LINGO2: variants seen among roughly 807,000 people sequenced by gnomAD.
The protein encoded by LINGO2 is leucine rich repeat and Ig domain containing 2.
In LINGO2, 14 loss-of-function variants were observed where a neutral mutation model predicts 30.6. That is an observed-to-expected ratio of 0.46 (90% CI 0.30 to 0.72). The LOEUF (loss-of-function observed/expected upper bound fraction) is 0.72, where lower values mean the gene tolerates loss of function less well. Ranked by LOEUF, LINGO2 falls within the 30% of genes least tolerant of loss-of-function variation. The probability of loss-of-function intolerance (pLI) is 0.07; values close to 1 mark genes in which losing one functional copy is unlikely to be tolerated. For synonymous variants in LINGO2, 317 were observed against 288.5 expected, an observed-to-expected ratio of 1.10 and a Z score of -1.00; for missense variants, 729 against 751.7, an observed-to-expected ratio of 0.97 and a Z score of 0.35.
chr9:28,175,937 A>G (rs567422393), intron 4 of LINGO2, among the ~76,000 whole-genome samples: 3 of 152,312 alleles, frequency 2.0e-5, no homozygotes, highest in African/African-American at 7.2e-5. Flanking sequence ...AGGAGGCAAC[A>G]TGCCTTTGTT....
At chr9:28,556,803 A>G in intron 1 of LINGO2, among the ~76,000 whole-genome samples, 1 of 152,194 alleles carries the variant, frequency 6.6e-6, no homozygotes, top group Admixed American at 6.5e-5. Context: ...ACAGAGATAT[A>G]GATCAATGGA....
chr9:29,161,545 C>A, the LINGO2 span, among the ~76,000 whole-genome samples: 1 of 152,224 alleles, frequency 6.6e-6, no homozygotes, highest in Non-Finnish European at 1.5e-5. Context: ...GATTCTCAAA[C>A]ATTGGTGTAC....
At chr9:28,877,938 T>A in the LINGO2 span, among the ~76,000 whole-genome samples, 4 of 152,128 alleles carry the variant, frequency 2.6e-5, no homozygotes, top group Non-Finnish European at 5.9e-5. Flanking sequence ...TGAGCAGTGG[T>A]TTGTAGTTCT....
chr9:28,212,404 C>A (rs1165097403), intron 4 of LINGO2, among the ~76,000 whole-genome samples: 1 of 151,354 alleles, frequency 6.6e-6, no homozygotes, highest in Non-Finnish European at 1.5e-5. Flanking sequence ...TATTCTAAAG[C>A]CTAGACTCTC....
intron 4 of LINGO2, among the ~76,000 whole-genome samples, chr9:28,294,753 A>G (rs1360534492): frequency 2.0e-5 from 3 of 152,228 alleles, no homozygotes; most frequent in African/African-American, 7.2e-5. Flanking sequence ...AAGAAATAAA[A>G]GAAGAACAAT....
At chr9:28,762,495 C>T in the LINGO2 span, among the ~76,000 whole-genome samples, 30 of 151,834 alleles carry the variant, frequency 2.0e-4, no homozygotes, top group African/African-American at 7.3e-4. Flanking sequence ...GATAATAGTC[C>T]CTCCCCCAAA....
chr9:28,708,788 T>TCTATCTATCTATCTATCTATCTAA, the LINGO2 span, among the ~76,000 whole-genome samples: 1 of 151,892 alleles, frequency 6.6e-6, no homozygotes, highest in East Asian at 1.9e-4. Flanking sequence ...TATCTATCTA[T>TCTATCTATCTATCTATCTATCTAA]CCATCTATTA....
At chr9:29,000,639 C>T in the LINGO2 span, among the ~76,000 whole-genome samples, 13 of 151,964 alleles carry the variant, frequency 8.6e-5, no homozygotes, top group South Asian at 2.5e-3. Flanking sequence ...CTACTCCATA[C>T]GCAATACGAA....
Position 28,032,922 on chromosome 9 carries a change from T to C in LINGO2, c.-86-20517A>G, listed in dbSNP as rs180774045. Among the ~76,000 whole-genome samples, 5 of 152,312 alleles carry C rather than the reference T, an allele frequency of 3.3e-5. No homozygotes were observed. The East Asian group carries it at 9.6e-4, about 29-fold the overall frequency. On this transcript the variant is annotated intron_variant, in intron 4 of 5. Transcript: ENST00000379992. ...TGCCTTCTTTTGTCTGAGAAAGATT[T>C]GTGCCTGAAAGTTTTAGGAGACAGC...
In LINGO2 at chr9:28,233,800, C is replaced by G. The variant is rs566562148; in HGVS notation, c.-87+61408G>C. 3.9e-5 allele frequency among the ~76,000 whole-genome samples: 6 copies of G among 152,270 alleles called. No individual in the cohort carries two copies. In the East Asian group the frequency reaches 9.7e-4, roughly 25 times the overall value. On this transcript the variant is annotated intron_variant, in intron 4 of 5. Transcript: ENST00000379992. ...GAGTTGTGAGGCCCCATTCCAGGCC[C>G]TAGCTCCCAGGTGACATTTCTAGGC...
chr9:28,583,801 C>T (rs1424116103), intron 1 of LINGO2, among the ~76,000 whole-genome samples: 1 of 151,986 alleles, frequency 6.6e-6, no homozygotes, highest in East Asian at 1.9e-4. Flanking sequence ...AAACATCCCC[C>T]AAAGTTCATG....
chr9:28,492,825 A>G (rs918248660), intron 1 of LINGO2, among the ~76,000 whole-genome samples: 4 of 152,044 alleles, frequency 2.6e-5, no homozygotes, highest in East Asian at 3.9e-4. Context: ...AAGGACTCCT[A>G]AAAGAAAAAC....
chr9:29,119,238 A>G, the LINGO2 span, among the ~76,000 whole-genome samples: 3 of 152,316 alleles, frequency 2.0e-5, no homozygotes, highest in East Asian at 5.8e-4. Flanking sequence ...AAAGAAAACA[A>G]AAGAGTGAAG....
the LINGO2 span, among the ~76,000 whole-genome samples, chr9:28,777,157 T>C: frequency 6.6e-6 from 1 of 152,070 alleles, no homozygotes; most frequent in African/African-American, 2.4e-5. Flanking sequence ...GAACTGTGAG[T>C]CAATTAAACC....
chr9:28,097,802 T>A (rs906320086), intron 4 of LINGO2, among the ~76,000 whole-genome samples: 2 of 151,522 alleles, frequency 1.3e-5, no homozygotes, highest in African/African-American at 2.4e-5. Flanking sequence ...AACCTGCACA[T>A]TGTGCACATG....
At chr9:28,941,362 C>T in the LINGO2 span, among the ~76,000 whole-genome samples, 2 of 152,004 alleles carry the variant, frequency 1.3e-5, no homozygotes, top group Non-Finnish European at 2.9e-5. Context: ...ACAAACGATA[C>T]CCTATTCCTT....
chr9:28,590,080 G>A (rs1318543704), intron 1 of LINGO2, among the ~76,000 whole-genome samples: 1 of 152,114 alleles, frequency 6.6e-6, no homozygotes, highest in Non-Finnish European at 1.5e-5. Context: ...AATAAATGGT[G>A]CTGGGAAAAC....
At chr9:28,094,802 A>T (rs780383311) in intron 4 of LINGO2, among the ~76,000 whole-genome samples, 45 of 152,042 alleles carry the variant, frequency 3.0e-4, no homozygotes, top group Non-Finnish European at 5.3e-4. Flanking sequence ...TTTCCCACTC[A>T]ACCAGACCCT....
intron 1 of LINGO2, among the ~76,000 whole-genome samples, chr9:28,599,713 A>C (rs1825381932): frequency 6.6e-6 from 1 of 152,160 alleles, no homozygotes; most frequent in African/African-American, 2.4e-5. Context: ...TTGTTTACCC[A>C]ATTATTAGTC....
Sources: allele counts gnomAD v4.1 joint callset (sites outside exome capture counted in the v4.1 genomes callset), GRCh38; gene constraint gnomAD v4.1.1; transcripts MANE v1.5; gene names NCBI Gene and HGNC (gene_info 2026-07-23, HGNC 2026-07-21).